Variants in PPFIA2 observed in about 807,000 individuals in gnomAD.
PPFIA2 encodes liprin-alpha-2.
In PPFIA2, 46 loss-of-function variants were observed where a neutral mutation model predicts 175.5. The ratio of observed to expected loss-of-function variants is 0.26; its 90% CI spans 0.21 to 0.34. The LOEUF (loss-of-function observed/expected upper bound fraction) is 0.34, where lower values mean the gene tolerates loss of function less well. PPFIA2 is among the 10% of genes least tolerant of loss of function. The pLI, the probability that PPFIA2 is intolerant of heterozygous loss-of-function variation, is 1.00. For missense variants in PPFIA2, 1,179 were observed against 1,506.1 expected (o/e 0.78, Z 3.60); for synonymous variants, 568 against 511.4 (o/e 1.11, Z -1.49).
chr12:81,291,655 AAAG>A (rs1264491298), intron 24 of PPFIA2, among the ~76,000 whole-genome samples: 5 of 152,054 alleles, frequency 3.3e-5, no homozygotes, highest in African/African-American at 7.2e-5. Flanking sequence ...TAAATGAAGA[AAAG>A]AAGAACTGTA....
chr12:81,343,013 T>C (rs2058419265), intron 19 of PPFIA2, among the ~76,000 whole-genome samples: 1 of 151,836 alleles, frequency 6.6e-6, no homozygotes, highest in African/African-American at 2.4e-5. Flanking sequence ...GAATATCACT[T>C]AGAGTTTTGG....
intron 5 of PPFIA2, 108 bp downstream of exon 5, chr12:81,457,657 G>A: frequency 1.6e-6 from 1 of 611,524 alleles, no homozygotes; most frequent in Non-Finnish European, 2.7e-6. Context: ...TCTGCTTAAA[G>A]TAATTATAAA....
At chr12:81,676,104 A>T (rs2072460106) in intron 4 of PPFIA2, among the ~76,000 whole-genome samples, 1 of 152,092 alleles carries the variant, frequency 6.6e-6, no homozygotes, top group Non-Finnish European at 1.5e-5. Context: ...TCATTTTGCT[A>T]AACAAAAAGC....
At chr12:81,512,575 G>T (rs1397960397) in intron 4 of PPFIA2, among the ~76,000 whole-genome samples, 1 of 151,880 alleles carries the variant, frequency 6.6e-6, no homozygotes, top group African/African-American at 2.4e-5. Context: ...GGGTTCAGGT[G>T]GTTTTTGGTT....
At chr12:81,578,403 A>G (rs1320976061) in intron 4 of PPFIA2, among the ~76,000 whole-genome samples, 1 of 151,766 alleles carries the variant, frequency 6.6e-6, no homozygotes, top group African/African-American at 2.4e-5. Context: ...TGAACATTAG[A>G]ATATCTTGTC....
chr12:81,356,655 CCT>C (rs1467355819), intron 16 of PPFIA2, among the ~76,000 whole-genome samples: 1 of 151,650 alleles, frequency 6.6e-6, no homozygotes, highest in Non-Finnish European at 1.5e-5. Flanking sequence ...AGAATAATAC[CCT>C]GTCTCAAAAA....
intron 4 of PPFIA2, among the ~76,000 whole-genome samples, chr12:81,458,422 C>A (rs1444168190): frequency 6.6e-6 from 1 of 151,378 alleles, no homozygotes; most frequent in African/African-American, 2.4e-5. Context: ...TATTAATTTG[C>A]GTATTGCTCA....
rs527318647 is a variant in PPFIA2 at position 81,712,277 on chromosome 12, C to T, written c.250-35433G>A. Among the ~76,000 whole-genome samples, 4 of 151,130 alleles carry T rather than the reference C, an allele frequency of 2.6e-5. 1 individual carries two copies. Among genetic ancestry groups the T allele is most frequent in the East Asian group, 4.0e-4 (2 of 4,972 alleles). On this transcript the variant is annotated intron_variant, in intron 3 of 32. Transcript: ENST00000549396. ...AGTCTATAAACAAGATTAGAGAAAT[C>T]GTTTTATAAATTTGAATGTTGAGAT...
In PPFIA2 at chr12:81,266,957, C is replaced by T. The variant is rs1195372052; in HGVS notation, c.3550G>A (p.Asp1184Asn). 2 of 1,610,122 alleles carry T rather than the reference C, an allele frequency of 1.2e-6. No individual in the cohort carries two copies. The highest frequency in any genetic ancestry group is 1.7e-5 in the Admixed American group (1 of 59,928). Residue 1184 changes from aspartate to asparagine, a missense_variant, in exon 30 of 33, where the codon GAT becomes AAT. This residue lies in a region of PPFIA2 where 245 missense variants were observed against 375.1 expected (regional missense o/e 0.65). Transcript: ENST00000549396. ...TGAATAACAGGTGGACTTACTTCAT[C>T]CAGTCGCCTTTCAGTTCCCAGGGCC... The part of the protein sequence containing the change: ...LLALGTERRL[D>N]ESDDKNFRRG...
chr12:81,512,323 C>T (rs2061894725), intron 4 of PPFIA2: 2 of 1,288,736 alleles, frequency 1.6e-6, no homozygotes, highest in South Asian at 2.5e-5. Context: ...CTTCCCATCT[C>T]CCACTGCTAT....
At chr12:81,359,984 C>CT (rs1202962865) in intron 15 of PPFIA2, among the ~76,000 whole-genome samples, 1 of 151,830 alleles carries the variant, frequency 6.6e-6, no homozygotes, top group Non-Finnish European at 1.5e-5. Context: ...GTAACTCACA[C>CT]TTTCTTTTCA....
At chr12:81,476,880 A>G (rs1350552239) in intron 4 of PPFIA2, among the ~76,000 whole-genome samples, 2 of 152,212 alleles carry the variant, frequency 1.3e-5, no homozygotes, top group African/African-American at 4.8e-5. Context: ...ATGCATCCAT[A>G]AAAAGGAACG....
At chr12:81,281,196 A>C (rs2136984071) in intron 27 of PPFIA2, 61 bp downstream of exon 27, 1 of 1,282,828 alleles carries the variant, frequency 7.8e-7, no homozygotes, top group Admixed American at 2.9e-5. Flanking sequence ...TTACTAAAGT[A>C]TAGGTAATAT....
chr12:81,727,120 A>C (rs1185946107), intron 3 of PPFIA2, among the ~76,000 whole-genome samples: 1 of 151,304 alleles, frequency 6.6e-6, no homozygotes, highest in African/African-American at 2.4e-5. Context: ...AGCCCAATTT[A>C]ATGGTGCCTG....
intron 22 of PPFIA2, among the ~76,000 whole-genome samples, chr12:81,322,691 C>T (rs2053920308): frequency 6.6e-6 from 1 of 152,108 alleles, no homozygotes; most frequent in Admixed American, 6.6e-5. Context: ...TAAAGGCAAA[C>T]TAGGCAGAGC....
intron 8 of PPFIA2, 132 bp downstream of exon 8, chr12:81,405,655 C>A: frequency 1.8e-6 from 1 of 558,292 alleles, no homozygotes; most frequent in Non-Finnish European, 3.2e-6. Context: ...AGGAAATAAC[C>A]ATAAACCTTG....
rs1253485091 is a variant in PPFIA2 at position 81,496,036 on chromosome 12, A to G, written c.304-38170T>C. ...TTATGACTTAATTGAGAACTACTTC[A>G]CAGATGACAATGCAGTGTTTTGTTG... On this transcript the variant is annotated intron_variant, in intron 4 of 32. Transcript: ENST00000549396. Among the ~76,000 whole-genome samples the G allele has an allele frequency of 3.3e-5, 5 of 152,200 alleles. 1 individual carries two copies. The East Asian group carries it at 9.6e-4, about 29-fold the overall frequency.
rs192184261 is a variant in PPFIA2 at position 81,437,607 on chromosome 12, C to T, written c.645+2365G>A. ...CCTTTGTTTATGACAAACAGAAATTCTATCACGTTCATATTAAGCCATGCT... is the reference window on the plus strand; with the variant it reads ...CCTTTGTTTATGACAAACAGAAATTTTATCACGTTCATATTAAGCCATGCT... On this transcript the variant is annotated intron_variant, in intron 7 of 32. Transcript: ENST00000549396. 7.2e-5 allele frequency among the ~76,000 whole-genome samples: 11 copies of T among 152,242 alleles called. No individual in the cohort carries two copies. The East Asian group carries it at 2.1e-3, about 29-fold the overall frequency.
chr12:81,443,018 T>C (rs149933024), intron 6 of PPFIA2, among the ~76,000 whole-genome samples: 1 of 150,302 alleles, frequency 6.7e-6, no homozygotes, highest in African/African-American at 2.4e-5. Flanking sequence ...CCTCGACAAC[T>C]AAATGAAATG....
Sources: allele counts gnomAD v4.1 joint callset (sites outside exome capture counted in the v4.1 genomes callset), GRCh38; gene constraint gnomAD v4.1.1; regional missense constraint gnomAD v4.1.1; transcripts MANE v1.5; gene names NCBI Gene and HGNC (gene_info 2026-07-23, HGNC 2026-07-21).